The following ATAD3B variants were observed in gnomAD, a reference collection of about 807,000 sequenced individuals.
ATAD3B encodes the protein ATPase family AAA domain-containing protein 3B.
In ATAD3B, 59 loss-of-function variants were observed where a neutral mutation model predicts 70.2. The ratio of observed to expected loss-of-function variants is 0.84; its 90% CI spans 0.68 to 1.04. The LOEUF is 1.04. ATAD3B is among the 50% of genes least tolerant of loss of function. ATAD3B has a pLI of 0.00. For synonymous variants in ATAD3B, 423 were observed against 388.6 expected (o/e 1.09, Z -1.04); for missense variants, 961 against 913.4 (o/e 1.05, Z -0.67).
At chr1:1,503,665 A>G in the ATAD3B span, 5 of 1,611,222 alleles carry the variant, frequency 3.1e-6, no homozygotes, top group African/African-American at 1.3e-5. Flanking sequence ...GCTCAAAGTG[A>G]GTGGGGCCGG....
intron 8 of ATAD3B, 30 bp from the exon 9 acceptor site, chr1:1,485,752 C>G (rs1640174291): frequency 2.5e-6 from 4 of 1,611,960 alleles, no homozygotes; most frequent in Non-Finnish European, 3.4e-6. Context: ...GGCAGGTGAC[C>G]CAATGGTGCT....
chr1:1,483,067 G>A (rs1466798097), intron 7 of ATAD3B: 3 of 455,038 alleles, frequency 6.6e-6, no homozygotes. Flanking sequence ...GGCGGAGGTG[G>A]GCGGATCACG....
intron 15 of ATAD3B, among the ~76,000 whole-genome samples, chr1:1,493,472 G>A (rs142482625): frequency 1.3e-5 from 2 of 151,644 alleles, no homozygotes; most frequent in East Asian, 3.9e-4. Flanking sequence ...GACCAGTCTC[G>A]CTTTTGCCGC....
intron 1 of ATAD3B, among the ~76,000 whole-genome samples, chr1:1,474,069 G>A (rs561499132): frequency 6.6e-6 from 1 of 152,216 alleles, no homozygotes; most frequent in Admixed American, 6.5e-5. Flanking sequence ...CTGTTTTGAA[G>A]AGATGGGGTC....
In ATAD3B at chr1:1,478,519, A is replaced by G. The variant is rs370601735; in HGVS notation, c.283-125A>G. 3.4e-3 allele frequency: 5,220 copies of G among 1,528,872 alleles called. 161 individuals are homozygous for G. Among genetic ancestry groups the G allele is most frequent in the Admixed American group, 0.019 (956 of 49,238 alleles). 94.7% of individuals were successfully genotyped at this position (1,528,872 alleles called of 1,614,324 possible). ...GTGCAGATGCAGCTGGAAGCCCTGA[A>G]CCTGCTGCACACACTAGTCTGGGCA... On this transcript the variant is annotated intron_variant, in intron 2 of 15. Transcript: ENST00000673477.
downstream of ATAD3B, among the ~76,000 whole-genome samples, chr1:1,502,300 C>T (rs1309432399): frequency 2.0e-5 from 3 of 151,592 alleles, no homozygotes; most frequent in Non-Finnish European, 2.9e-5. Context: ...CTACAACCTC[C>T]GCCTCCCGGG....
downstream of ATAD3B, among the ~76,000 whole-genome samples, chr1:1,500,554 A>C (rs1297000283): frequency 8.6e-6 from 1 of 116,008 alleles, no homozygotes; most frequent in Non-Finnish European, 1.6e-5. Context: ...ACTCCGTCTC[A>C]AAAAAAAAAA....
chr1:1,475,861 A>G (rs955384238), intron 1 of ATAD3B, among the ~76,000 whole-genome samples: 1 of 151,004 alleles, frequency 6.6e-6, no homozygotes, highest in Non-Finnish European at 1.5e-5. Flanking sequence ...GGGGGTAGGA[A>G]CTGTCAATGA....
At chr1:1,499,540 ATAT>A (rs1453153534), downstream of ATAD3B, among the ~76,000 whole-genome samples, 36 of 121,706 alleles carry the variant, frequency 3.0e-4, 1 homozygote, top group African/African-American at 1.1e-3. Flanking sequence ...CCATAGATAG[ATAT>A]TATGTCTTCT....
chr1:1,497,050 G>C lies in ATAD3B; in HGVS notation c.*1233G>C, dbSNP rs908346394. 6.7e-6 allele frequency: 1 copy of C among 150,198 alleles called. No individual in the cohort carries two copies. Among genetic ancestry groups the C allele is most frequent in the Non-Finnish European group, 1.5e-5 (1 of 67,706 alleles). 9.3% of individuals were successfully genotyped at this position (150,198 alleles called of 1,614,324 possible). Reference sequence around the variant, plus strand: ...TTCTGAACTTTGTGTCCTTAGGAAGGGTGTAGGCTGTTGGTTGAAGTAGGA... The same window carrying C: ...TTCTGAACTTTGTGTCCTTAGGAAGCGTGTAGGCTGTTGGTTGAAGTAGGA... On this transcript the variant is annotated 3_prime_UTR_variant, in exon 16 of 16. Transcript: ENST00000673477.
chr1:1,490,261 A>T lies in ATAD3B; in HGVS notation c.1342A>T (p.Met448Leu), dbSNP rs750115246. The change falls in exon 14 of 16, where the codon ATG becomes TTG. Residue 448 changes from methionine (M) to leucine (L), a missense_variant. Met to Leu is a conservative substitution (Grantham distance 15). This residue lies in a region of ATAD3B where 417 missense variants were observed against 335.0 expected (regional missense o/e 1.24). Transcript: ENST00000673477. ...YHMGQHSNKF[M>L]LVLASNLPEQ... ...TTCCCCATCCCTGTCCTACAGATTC[A>T]TGCTGGTCCTGGCCAGCAATCTGCC... 6.2e-7 allele frequency: 1 copy of T among 1,612,184 alleles called. No homozygotes were observed. Among genetic ancestry groups the T allele is most frequent in the Admixed American group, 1.7e-5 (1 of 59,972 alleles).
Position 1,477,369 on chromosome 1 carries a change from G to A in ATAD3B, c.282+19G>A. 6.2e-7 allele frequency: 1 copy of A among 1,611,914 alleles called. No individual in the cohort carries two copies. Among genetic ancestry groups the A allele is most frequent in the South Asian group, 1.1e-5 (1 of 90,934 alleles). On this transcript the variant is annotated intron_variant, in intron 2 of 15. Transcript: ENST00000673477. ...GCTCAAAGTGAGTGGGGCCGGTGTG[G>A]GCGAGGAGGCCGGGGCGCACATGGG... is the stretch of plus-strand genomic sequence containing the variant.
At chr1:1,492,800 G>C (rs561732013) in intron 15 of ATAD3B, among the ~76,000 whole-genome samples, 2 of 151,896 alleles carry the variant, frequency 1.3e-5, no homozygotes, top group African/African-American at 2.4e-5. Context: ...TTATCCAGGC[G>C]TGGTGGCTGG....
chr1:1,488,487 A>C (rs1640356843), intron 12 of ATAD3B, among the ~76,000 whole-genome samples: 1 of 152,082 alleles, frequency 6.6e-6, no homozygotes, highest in East Asian at 1.9e-4. Flanking sequence ...TTGGCCTGGC[A>C]CAGTGGCTCA....
chr1:1,481,765 G>A (rs1052309015), intron 5 of ATAD3B, among the ~76,000 whole-genome samples: 9 of 151,478 alleles, frequency 5.9e-5, no homozygotes, highest in Non-Finnish European at 1.0e-4. Context: ...CCTCTGGGTC[G>A]GATTTCTGCC....
intron 1 of ATAD3B, 39 bp from the exon 2 acceptor site, chr1:1,477,235 G>A (rs768192195): frequency 1.9e-6 from 3 of 1,609,482 alleles, no homozygotes; most frequent in Non-Finnish European, 2.5e-6. Flanking sequence ...TGGTATCCGT[G>A]TATCCTACAC....
At chr1:1,486,723 C>T in intron 11 of ATAD3B, 55 bp downstream of exon 11, 21 of 1,509,342 alleles carry the variant, frequency 1.4e-5, no homozygotes, top group South Asian at 3.8e-5. Context: ...AGCAGGCTGC[C>T]TTCTGGGAAG....
At chr1:1,500,736 G>A (rs186823490), downstream of ATAD3B, among the ~76,000 whole-genome samples, 1,734 of 150,894 alleles carry the variant, frequency 0.011, 43 homozygotes, top group African/African-American at 0.039. Flanking sequence ...GGCGGATCAC[G>A]AGGTCAGGAG....
chr1:1,499,853 C>G (rs569866387), downstream of ATAD3B, among the ~76,000 whole-genome samples: 4 of 151,158 alleles, frequency 2.6e-5, no homozygotes, highest in African/African-American at 9.8e-5. Flanking sequence ...CTCGGCCTCC[C>G]GAAGTGCCGG....
Sources: allele counts gnomAD v4.1 joint callset (sites outside exome capture counted in the v4.1 genomes callset), GRCh38; gene constraint gnomAD v4.1.1; regional missense constraint gnomAD v4.1.1; transcripts MANE v1.5; gene names NCBI Gene and HGNC (gene_info 2026-07-23, HGNC 2026-07-21).